The following BRAP variants were observed in gnomAD, a reference collection of about 807,000 sequenced individuals.
BRAP encodes BRCA1-associated protein.
BRAP carries 42 observed loss-of-function variants against 73.4 expected under a neutral mutation model. That is an observed-to-expected ratio of 0.57 (90% CI 0.45 to 0.74). The LOEUF (loss-of-function observed/expected upper bound fraction) is 0.74, where lower values mean the gene tolerates loss of function less well. Among genes scored for constraint, BRAP ranks in the 30% least tolerant of loss-of-function variants. The pLI is 0.00. For missense variants in BRAP, 593 were observed against 751.4 expected (o/e 0.79, Z 2.46); for synonymous variants, 255 against 267.4 (o/e 0.95, Z 0.45).
chr12:111,666,361 G>A (rs1020949650), intron 5 of BRAP, among the ~76,000 whole-genome samples: 3 of 152,146 alleles, frequency 2.0e-5, no homozygotes, highest in African/African-American at 7.2e-5. Context: ...TGGACCTGAA[G>A]GATTTTTCCA....
chr12:111,671,142 A>G (rs1887155603), intron 5 of BRAP, among the ~76,000 whole-genome samples: 1 of 151,894 alleles, frequency 6.6e-6, no homozygotes, highest in African/African-American at 2.4e-5. Flanking sequence ...ATCTTAAAAT[A>G]TATCTTAAAA....
At chr12:111,658,687 G>A in intron 9 of BRAP, 49 bp downstream of exon 9, 6 of 1,327,120 alleles carry the variant, frequency 4.5e-6, no homozygotes, top group Non-Finnish European at 6.4e-6. Flanking sequence ...AATTAGAATA[G>A]TAAAGAGCAG....
chr12:111,648,970 C>T (rs1468148285), intron 11 of BRAP, among the ~76,000 whole-genome samples: 1 of 152,014 alleles, frequency 6.6e-6, no homozygotes, highest in African/African-American at 2.4e-5. Flanking sequence ...CACTGTACTC[C>T]AGCCTGGGTG....
chr12:111,662,272 T>C (rs936044903), intron 6 of BRAP, among the ~76,000 whole-genome samples: 1 of 152,134 alleles, frequency 6.6e-6, no homozygotes, highest in Non-Finnish European at 1.5e-5. Flanking sequence ...AACTAGTGGC[T>C]AGGCGCGGTG....
chr12:111,680,118 G>A (rs774302307), intron 3 of BRAP, among the ~76,000 whole-genome samples: 5 of 151,304 alleles, frequency 3.3e-5, no homozygotes, highest in Non-Finnish European at 7.4e-5. Context: ...CACCACGCCG[G>A]GCTAATTTTT....
intron 6 of BRAP, among the ~76,000 whole-genome samples, chr12:111,661,252 A>G (rs1886741414): frequency 6.7e-6 from 1 of 150,314 alleles, no homozygotes; most frequent in Non-Finnish European, 1.5e-5. Flanking sequence ...TGCTTGGATT[A>G]CAGGTGTGAG....
At chr12:111,685,068 T>C (rs1228638811) in intron 1 of BRAP, among the ~76,000 whole-genome samples, 1 of 152,192 alleles carries the variant, frequency 6.6e-6, no homozygotes, top group Admixed American at 6.5e-5. Context: ...GTGTTAATGG[T>C]GTAAAAAGCT....
At chr12:111,678,759 A>G (rs1269708095) in intron 4 of BRAP, among the ~76,000 whole-genome samples, 1 of 143,240 alleles carries the variant, frequency 7.0e-6, no homozygotes, top group Non-Finnish European at 1.5e-5. Context: ...GTGTGATGTC[A>G]GCTTTCTGCA....
rs202001896 is a variant in BRAP, at chr12:111,644,481, G to A, written c.1497C>T (p.Ala499=). Residue 499 remains alanine (A), a synonymous_variant, in exon 12 of 12, where the codon GCC becomes GCT. Transcript: ENST00000419234. ...EEQEMNKCLR[A]NQVLLQNKLK... is the part of the protein sequence containing the mutation. ...GCTTGTTCTGCAGGAGGACTTGGTT[G>A]GCTCGCAAACACTTGTTCATTTCCT... 2.1e-4 allele frequency: 339 copies of A among 1,613,960 alleles called. No homozygotes were observed. Among genetic ancestry groups the A allele is most frequent in the Non-Finnish European group, 2.6e-4 (311 of 1,180,028 alleles).
At chr12:111,679,664 A>G (rs1050119599) in intron 3 of BRAP, among the ~76,000 whole-genome samples, 3 of 151,920 alleles carry the variant, frequency 2.0e-5, no homozygotes, top group African/African-American at 4.8e-5. Context: ...TCACGAGGTC[A>G]GGAGATCGAG....
rs2135913716 is a variant in BRAP at position 111,665,798 on chromosome 12, C to T, written c.748-11G>A. On this transcript the variant is annotated splice_polypyrimidine_tract_variant and intron_variant, in intron 5 of 11. Transcript: ENST00000419234. This position sits in a 1 kb window ranked among gnomAD's most constrained non-coding sequence, Gnocchi z 4.3. ...TGGGAGGCTGGCGCCCTACAGGAAA[C>T]ACCTCACATAAGCCTCACTCTTCAT... The T allele has an allele frequency of 1.9e-6, 3 of 1,614,162 alleles. No homozygotes were observed. In the South Asian group the frequency reaches 3.3e-5, roughly 18 times the overall value.
intron 10 of BRAP, among the ~76,000 whole-genome samples, chr12:111,652,909 C>T (rs2135899212): frequency 6.6e-6 from 1 of 152,322 alleles, no homozygotes; most frequent in South Asian, 2.1e-4. Context: ...TGGGATTTCA[C>T]CGTGTTAGCC....
Position 111,683,299 on chromosome 12 carries a change from T to C in BRAP, c.91A>G (p.Met31Val), listed in dbSNP as rs545210845. 2.5e-6 allele frequency: 4 copies of C among 1,609,090 alleles called. No homozygotes were observed. Among genetic ancestry groups the C allele is most frequent in the South Asian group, 1.1e-5 (1 of 90,092 alleles). ...GFGFSAAAGE[M>V]SDEEIKKTTL... ...GTCTTTTTTATCTCCTCATCAGACA[T>C]TTCCCCGGCTAAAGAACACATGAAT... Residue 31 changes from methionine to valine, a missense_variant, in exon 2 of 12, where the codon ATG becomes GTG. By Grantham distance (21) the Met-to-Val change is conservative. This residue lies in a region of BRAP where 304 missense variants were observed against 337.7 expected (regional missense o/e 0.90). Coordinates refer to ENST00000419234, the MANE Select transcript of BRAP (RefSeq NM_006768.5).
rs562209775 is a variant in BRAP, at chr12:111,660,449, A to C, written c.972+151T>G. ...AGGACCGCTCGAGGCCAGGAGTTCG[A>C]GACCAGCCTGGGCAACACAGTAAGC... On this transcript the variant is annotated intron_variant, in intron 7 of 11. Coordinates refer to ENST00000419234, the MANE Select transcript of BRAP (RefSeq NM_006768.5). 6 of 568,328 alleles carry C rather than the reference A, an allele frequency of 1.1e-5. No homozygotes were observed. In the South Asian group the frequency reaches 2.1e-4, roughly 20 times the overall value. 35.2% of individuals were successfully genotyped at this position (568,328 alleles called of 1,614,324 possible). A position where few individuals can be genotyped will look rare whatever the true frequency, so the allele number is the denominator to read the frequency against.
intron 3 of BRAP, among the ~76,000 whole-genome samples, chr12:111,679,737 C>T (rs1887526581): frequency 6.6e-6 from 1 of 151,582 alleles, no homozygotes; most frequent in African/African-American, 2.4e-5. Flanking sequence ...ATTAGCCGGG[C>T]ATGGTGGCAG....
chr12:111,644,254 G>A lies in BRAP; in HGVS notation c.1724C>T (p.Ser575Leu), dbSNP rs770360667. ...AMASASSPAS[S>L]GGSGKLPSRK... is the part of the protein sequence containing the mutation. ...GGAGGGCAACTTCCCACTGCCCCCC[G>A]AAGAGGCAGGGCTCGAGGCCGAGGC... The change falls in exon 12 of 12, where the codon TCG becomes TTG. Residue 575 changes from serine to leucine, a missense_variant. Around this residue, in one of 4 missense-constraint regions of BRAP, gnomAD observed 79 missense variants for 65.3 expected, o/e 1.21. Coordinates refer to ENST00000419234, the MANE Select transcript of BRAP (RefSeq NM_006768.5). 14 of 1,613,834 alleles carry A rather than the reference G, an allele frequency of 8.7e-6. No individual in the cohort carries two copies. Among genetic ancestry groups the A allele is most frequent in the Middle Eastern group, 1.6e-4 (1 of 6,080 alleles).
intron 2 of BRAP, among the ~76,000 whole-genome samples, chr12:111,682,106 A>G (rs1034560498): frequency 2.0e-5 from 3 of 152,224 alleles, no homozygotes; most frequent in Admixed American, 6.5e-5. Flanking sequence ...GGTATCTTCT[A>G]TCACGAAATC....
intron 4 of BRAP, 80 bp downstream of exon 4, chr12:111,679,071 A>T: frequency 9.5e-7 from 1 of 1,052,662 alleles, no homozygotes. Context: ...AAATGTTGTA[A>T]ATCACACACA....
At chr12:111,652,577 C>T (rs1257476675) in intron 10 of BRAP, among the ~76,000 whole-genome samples, 1 of 152,120 alleles carries the variant, frequency 6.6e-6, no homozygotes, top group African/African-American at 2.4e-5. Context: ...TAAATTAGTG[C>T]TTATTAAAAC....
Sources: allele counts gnomAD v4.1 joint callset (sites outside exome capture counted in the v4.1 genomes callset), GRCh38; gene constraint gnomAD v4.1.1; regional missense constraint gnomAD v4.1.1; non-coding constraint Gnocchi (gnomAD v3.1); transcripts MANE v1.5; gene names NCBI Gene and HGNC (gene_info 2026-07-23, HGNC 2026-07-21).